The following THBS4 variants were observed in gnomAD, a reference collection of about 807,000 sequenced individuals.
The protein encoded by THBS4 is thrombospondin 4, also known as thrombospondin-4.
THBS4 carries 90 observed loss-of-function variants against 115.7 expected under a neutral mutation model. The ratio of observed to expected loss-of-function variants is 0.78; its 90% CI spans 0.66 to 0.93. The LOEUF (loss-of-function observed/expected upper bound fraction) is 0.93. Ranked by LOEUF, THBS4 falls within the 40% of genes least tolerant of loss-of-function variation. The probability of loss-of-function intolerance (pLI) is 0.00; values close to 1 mark genes in which losing one functional copy is unlikely to be tolerated. For missense variants in THBS4, 1,087 were observed against 1,232.7 expected (o/e 0.88, Z 1.77); for synonymous variants, 460 against 479.3 (o/e 0.96, Z 0.53).
chr5:79,991,358 G>T, exon 1 of THBS4: 14 of 719,220 alleles, frequency 1.9e-5, no homozygotes, highest in Middle Eastern at 4.8e-4. Context: ...AGAGATGAGA[G>T]AAACAACGAC....
chr5:80,073,390 GT>G (rs879240985), intron 15 of THBS4, 63 bp downstream of exon 15: 4,807 of 1,174,914 alleles, frequency 4.1e-3, no homozygotes, highest in Non-Finnish European at 4.6e-3. Context: ...TTTTTGGTTT[GT>G]TTTTTTTTTT....
In THBS4 at chr5:80,059,899, T is replaced by C. The variant is rs371019667; in HGVS notation, c.981T>C (p.Val327=). The change falls in exon 7 of 22, where the codon GTT becomes GTC. Residue 327 remains valine (V), a synonymous_variant. Coordinates refer to ENST00000350881, the MANE Select transcript of THBS4 (RefSeq NM_003248.6). ...YTGNGITCID[V]DECKYHPCYP... ...GAAACGGGATCACCTGTATTGATGTTGATGAGGTAAAAGTTCACTTAGACT... is the reference window on the plus strand; with the variant it reads ...GAAACGGGATCACCTGTATTGATGTCGATGAGGTAAAAGTTCACTTAGACT... 504 of 1,613,830 alleles carry C rather than the reference T, an allele frequency of 3.1e-4. 8 individuals are homozygous for C. The South Asian group carries it at 5.0e-3, about 16-fold the overall frequency.
At chr5:80,065,189 A>G (rs1365197230) in intron 8 of THBS4, among the ~76,000 whole-genome samples, 1 of 152,194 alleles carries the variant, frequency 6.6e-6, no homozygotes, top group Non-Finnish European at 1.5e-5. Context: ...TCTTTTCTGA[A>G]TAACTTTCAA....
upstream of THBS4, chr5:80,033,064 CA>C (rs1379321260): frequency 2.2e-5 from 4 of 178,548 alleles, no homozygotes; most frequent in African/African-American, 9.6e-5. Context: ...TCTGGTGTGT[CA>C]TTGGGTCAAG....
chr5:80,077,002 AGACAACTG>A lies in THBS4; in HGVS notation c.2041_2048del (p.Asp681ProfsTer11). On this transcript the variant is annotated frameshift_variant, in exon 16 of 22. Transcript: ENST00000350881. LOFTEE classifies it high-confidence loss of function. ...TCCCAGACCTGGTGCCCCCTGGACC[AGACAACTG>A]CCGGCTGGTCCCCAACCCAGCCCAG... 1.2e-6 allele frequency: 2 copies of A among 1,612,680 alleles called. No individual in the cohort carries two copies. The highest frequency in any genetic ancestry group is 1.7e-6 in the Non-Finnish European group (2 of 1,179,328).
At chr5:79,995,223 T>C (rs967754465) in intron 1 of THBS4, among the ~76,000 whole-genome samples, 2 of 152,198 alleles carry the variant, frequency 1.3e-5, no homozygotes, top group Non-Finnish European at 2.9e-5. Context: ...ATTTACATAG[T>C]CAAGGATGGG....
intron 2 of THBS4, among the ~76,000 whole-genome samples, chr5:80,021,049 A>G (rs1422157673): frequency 6.6e-6 from 1 of 152,170 alleles, no homozygotes; most frequent in African/African-American, 2.4e-5. Context: ...CCTCATCACA[A>G]CTTGTTAAAA....
chr5:80,040,796 G>C (rs755648982), intron 2 of THBS4, among the ~76,000 whole-genome samples: 1 of 152,180 alleles, frequency 6.6e-6, no homozygotes, highest in African/African-American at 2.4e-5. Flanking sequence ...AGTCCTGCAG[G>C]CTGGAAGTTC....
chr5:80,060,011 C>T (rs1430143310), intron 7 of THBS4, 106 bp downstream of exon 7: 1 of 1,097,448 alleles, frequency 9.1e-7, no homozygotes, highest in Non-Finnish European at 1.3e-6. Flanking sequence ...TTGGGCTGTC[C>T]TCCAGGCTCC....
intron 2 of THBS4, among the ~76,000 whole-genome samples, chr5:80,047,927 G>T (rs1833126727): frequency 6.6e-6 from 1 of 150,788 alleles, no homozygotes; most frequent in Non-Finnish European, 1.5e-5. Context: ...TTACAGGCAT[G>T]AGCCACCGCA....
At chr5:80,014,529 G>A (rs1349057932) in intron 2 of THBS4, among the ~76,000 whole-genome samples, 1 of 152,218 alleles carries the variant, frequency 6.6e-6, no homozygotes, top group East Asian at 1.9e-4. Context: ...CTTAGGCTCA[G>A]CAAAAGTGGT....
intron 8 of THBS4, 103 bp from the exon 9 acceptor site, chr5:80,065,306 G>A (rs553246155): frequency 2.9e-5 from 29 of 991,152 alleles, no homozygotes; most frequent in African/African-American, 8.0e-5. Flanking sequence ...CCGAAATTCC[G>A]CATCTTCACT....
At position 80,055,876 on chromosome 5, in the gene THBS4, C is replaced by T. The variant is rs1173311310; in HGVS notation, c.384C>T (p.Leu128=). The change falls in exon 3 of 22, where the codon CTC becomes CTT. Residue 128 remains leucine, a synonymous_variant. Transcript: ENST00000350881. ...CAGACGGAAGGCGGCACAGGATCCTCCTGAGGCTGAGCAATTTGCAGCGAG... is the reference window on the plus strand; with the variant it reads ...CAGACGGAAGGCGGCACAGGATCCTTCTGAGGCTGAGCAATTTGCAGCGAG... ...QLADGRRHRI[L]LRLSNLQRGA... is the part of the protein sequence containing the mutation. 1 of 1,614,196 alleles carries T rather than the reference C, an allele frequency of 6.2e-7. No individual in the cohort carries two copies. The highest frequency in any genetic ancestry group is 8.5e-7 in the Non-Finnish European group (1 of 1,180,024).
rs201409456 is a variant in THBS4, at chr5:80,070,790, C to G, written c.1560+40C>G. ...GGGAGGGCCTGTGAATTGCCACGTA[C>G]CAGGGATGATGGGAGAAAGCCTGTG... On this transcript the variant is annotated intron_variant, in intron 12 of 21. Transcript: ENST00000350881. The G allele has an allele frequency of 6.7e-5, 107 of 1,599,926 alleles. No homozygotes were observed. The East Asian group carries it at 2.3e-3, about 35-fold the overall frequency.
chr5:80,030,618 C>T (rs941946085), upstream of THBS4, among the ~76,000 whole-genome samples: 6 of 152,162 alleles, frequency 3.9e-5, no homozygotes, highest in African/African-American at 1.2e-4. Context: ...CCACCGGCCT[C>T]GGCCTCCCAA....
Position 80,083,170 on chromosome 5 carries a change from C to G in THBS4, c.*29C>G. On this transcript the variant is annotated 3_prime_UTR_variant, in exon 22 of 22. Transcript: ENST00000350881. ...AAGGAAGCAATCTGTAACTGCTTTT[C>G]GGAACACTAAAACCATATATATTTT... is the stretch of plus-strand genomic sequence containing the variant. 1.3e-6 allele frequency: 2 copies of G among 1,582,476 alleles called. No homozygotes were observed. Among genetic ancestry groups the G allele is most frequent in the Non-Finnish European group, 1.7e-6 (2 of 1,151,252 alleles).
At chr5:80,029,785 C>A (rs1439758624) in intron 2 of THBS4, among the ~76,000 whole-genome samples, 8 of 148,998 alleles carry the variant, frequency 5.4e-5, no homozygotes, top group Admixed American at 1.3e-4. Context: ...TGGTGAAACC[C>A]CGTCTCTACT....
At chr5:80,062,725 CA>C (rs1833680480) in intron 8 of THBS4, among the ~76,000 whole-genome samples, 1 of 152,186 alleles carries the variant, frequency 6.6e-6, no homozygotes, top group African/African-American at 2.4e-5. Flanking sequence ...TGACATTCCC[CA>C]CCCTGTGTCC....
chr5:80,042,948 G>A (rs1832952234), intron 2 of THBS4, among the ~76,000 whole-genome samples: 1 of 152,056 alleles, frequency 6.6e-6, no homozygotes, highest in South Asian at 2.1e-4. Context: ...ACTTCAGCCT[G>A]GGTGACAGAG....
Sources: allele counts gnomAD v4.1 joint callset (sites outside exome capture counted in the v4.1 genomes callset), GRCh38; gene constraint gnomAD v4.1.1; transcripts MANE v1.5; gene names NCBI Gene and HGNC (gene_info 2026-07-23, HGNC 2026-07-21).